The following BTBD1 variants were observed in gnomAD, a reference collection of about 807,000 sequenced individuals.
The protein encoded by BTBD1 is BTB domain containing 1, also known as BTB/POZ domain-containing protein 1.
BTBD1 carries 34 observed loss-of-function variants against 48.0 expected under a neutral mutation model. That is an observed-to-expected ratio of 0.71 (90% CI 0.54 to 0.94). The LOEUF is 0.94. Among genes scored for constraint, BTBD1 ranks in the 40% least tolerant of loss-of-function variants. The probability of loss-of-function intolerance (pLI) is 0.00; values close to 1 mark genes in which losing one functional copy is unlikely to be tolerated. For missense variants in BTBD1, 543 were observed against 625.6 expected (o/e 0.87, Z 1.41); for synonymous variants, 261 against 242.1 (o/e 1.08, Z -0.72).
chr15:83,062,758 T>C (rs1031465623), intron 1 of BTBD1, among the ~76,000 whole-genome samples: 5 of 152,200 alleles, frequency 3.3e-5, no homozygotes, highest in African/African-American at 9.7e-5. Context: ...CGTAAAGCTC[T>C]CACTTTGGTT....
At chr15:83,037,960 T>C (rs1213279315) in intron 4 of BTBD1, among the ~76,000 whole-genome samples, 1 of 152,134 alleles carries the variant, frequency 6.6e-6, no homozygotes, top group Non-Finnish European at 1.5e-5. Flanking sequence ...GGCAGGCACC[T>C]GTAATCCCAG....
intron 1 of BTBD1, among the ~76,000 whole-genome samples, chr15:83,059,785 T>G (rs2033147942): frequency 6.6e-6 from 1 of 152,118 alleles, no homozygotes; most frequent in Non-Finnish European, 1.5e-5. Context: ...TAGAGACAGG[T>G]CTTGCTATAT....
rs895058806 is a variant in BTBD1 at position 83,025,452 on chromosome 15, T to C, written c.1055+4684A>G. On this transcript the variant is annotated intron_variant, in intron 5 of 7. Transcript: ENST00000261721. ...TCTGAAAGAAATTCTCTAACATACA[T>C]AGGTTAATTTGGAAGACACTGTCCT... is the stretch of plus-strand genomic sequence containing the variant. Among the ~76,000 whole-genome samples the C allele has an allele frequency of 9.3e-5, 14 of 149,862 alleles. No homozygotes were observed. In the South Asian group the frequency reaches 1.1e-3, roughly 11 times the overall value.
intron 1 of BTBD1, among the ~76,000 whole-genome samples, chr15:83,066,173 C>T (rs1003536776): frequency 3.9e-5 from 6 of 152,034 alleles, no homozygotes; most frequent in African/African-American, 1.4e-4. Context: ...GTGGCGCGTG[C>T]CTGTAGTCCC....
intron 4 of BTBD1, among the ~76,000 whole-genome samples, chr15:83,040,001 AC>A (rs2032715816): frequency 6.7e-6 from 1 of 150,194 alleles, no homozygotes; most frequent in Non-Finnish European, 1.5e-5. Context: ...ACACACACAC[AC>A]ACACACACAC....
Position 83,017,920 on chromosome 15 carries a change from A to T in BTBD1, c.*147T>A. 2.2e-6 allele frequency: 1 copy of T among 464,380 alleles called. No homozygotes were observed. The highest frequency in any genetic ancestry group is 3.7e-6 in the Non-Finnish European group (1 of 271,048). 28.8% of individuals were successfully genotyped at this position (464,380 alleles called of 1,614,324 possible). A position where few individuals can be genotyped will look rare whatever the true frequency, so the allele number is the denominator to read the frequency against. ...TTTTAAATCATGCAAAGATTTAAAT[A>T]AGCATTTTTCTATCTGCTCTAAGAA... is the stretch of plus-strand genomic sequence containing the variant. On this transcript the variant is annotated 3_prime_UTR_variant, in exon 8 of 8. Coordinates refer to ENST00000261721, the MANE Select transcript of BTBD1 (RefSeq NM_025238.4).
chr15:83,043,102 C>T (rs2032799849), intron 3 of BTBD1, among the ~76,000 whole-genome samples: 1 of 152,144 alleles, frequency 6.6e-6, no homozygotes, highest in South Asian at 2.1e-4. Flanking sequence ...CATGATCATG[C>T]CATTGTACTC....
At chr15:83,032,388 C>A (rs2032534613) in intron 4 of BTBD1, among the ~76,000 whole-genome samples, 1 of 151,598 alleles carries the variant, frequency 6.6e-6, no homozygotes, top group Admixed American at 6.6e-5. Flanking sequence ...GGATACCTAC[C>A]CAAAGGAAAA....
chr15:83,029,924 T>A, intron 5 of BTBD1: 4 of 586,570 alleles, frequency 6.8e-6, no homozygotes, highest in Non-Finnish European at 9.0e-6. Flanking sequence ...TCTTACTCTA[T>A]TTTTTTCTTA....
chr15:83,037,942 G>C (rs897809876), intron 4 of BTBD1, among the ~76,000 whole-genome samples: 1 of 152,106 alleles, frequency 6.6e-6, no homozygotes, highest in African/African-American at 2.4e-5. Context: ...AAATTAGCTA[G>C]GCACGGTGGC....
intron 1 of BTBD1, chr15:83,061,793 T>C (rs912858290): frequency 1.3e-5 from 2 of 152,186 alleles, no homozygotes; most frequent in Non-Finnish European, 2.9e-5. Context: ...ACCACCTAAG[T>C]GATTCCAGTC....
At chr15:83,042,366 A>ATGTG (rs1384614805) in intron 3 of BTBD1, among the ~76,000 whole-genome samples, 1 of 123,360 alleles carries the variant, frequency 8.1e-6, no homozygotes, top group African/African-American at 3.2e-5. Flanking sequence ...ATATATATAT[A>ATGTG]TATATATATA....
rs1457899631 is a variant in BTBD1, at chr15:83,041,911, C to G, written c.679G>C (p.Val227Leu). ...ATACTGAGTGTGTCTCTCTCTAAAA[C>G]TGCACAGAGTGTATCTATAGGCAAA... ...TDIDIDTLCA[V>L]LERDTLSIRE... The change falls in exon 4 of 8, where the codon GTT becomes CTT. Residue 227 changes from valine to leucine, a missense_variant. Physicochemically the swap from Val to Leu is conservative, Grantham distance 32. Around this residue, in one of 3 missense-constraint regions of BTBD1, gnomAD observed 300 missense variants for 350.0 expected, o/e 0.86. Transcript: ENST00000261721. The G allele has an allele frequency of 6.2e-7, 1 of 1,613,966 alleles. No individual in the cohort carries two copies. The highest frequency in any genetic ancestry group is 8.5e-7 in the Non-Finnish European group (1 of 1,180,020).
chr15:83,042,103 T>C (rs538309056), intron 3 of BTBD1, among the ~76,000 whole-genome samples, 178 bp from the exon 4 acceptor site: 1 of 152,142 alleles, frequency 6.6e-6, no homozygotes, highest in East Asian at 1.9e-4. Context: ...AACTCCAAAG[T>C]GTTCCATAAA....
intron 3 of BTBD1, chr15:83,044,454 A>G: frequency 4.4e-6 from 7 of 1,575,982 alleles, no homozygotes; most frequent in Non-Finnish European, 6.1e-6. Context: ...AGGAGTGGGA[A>G]CTGCTTTGCG....
At chr15:83,049,659 C>G (rs901095601) in intron 3 of BTBD1, among the ~76,000 whole-genome samples, 1 of 151,958 alleles carries the variant, frequency 6.6e-6, no homozygotes, top group African/African-American at 2.4e-5. Context: ...CTTGTGTCAT[C>G]GGGGTTTGCT....
chr15:83,036,632 G>C (rs896792423), intron 4 of BTBD1, among the ~76,000 whole-genome samples: 14 of 152,098 alleles, frequency 9.2e-5, no homozygotes, highest in African/African-American at 3.4e-4. Flanking sequence ...TACAAGAATG[G>C]CCTCAATGGT....
chr15:83,067,247 AAAGGCGCTTCCGGGG>A (rs1244028626), exon 1 of BTBD1: 5 of 1,240,100 alleles, frequency 4.0e-6, no homozygotes, highest in Non-Finnish European at 5.2e-6. Context: ...GCCTTCCGGG[AAAGGCGCTTCCGGGG>A]GCCTCGCGCC....
At chr15:83,026,758 G>A (rs2032416365) in intron 5 of BTBD1, among the ~76,000 whole-genome samples, 1 of 152,096 alleles carries the variant, frequency 6.6e-6, no homozygotes. Flanking sequence ...CCGACCTGAG[G>A]TGATCCGCCC....
Sources: gnomAD v4.1 joint callset for allele counts (sites outside exome capture counted in the v4.1 genomes callset) on GRCh38, gnomAD v4.1.1 for gene constraint, gnomAD v4.1.1 regional missense constraint, MANE v1.5 for transcripts, NCBI Gene and HGNC (gene_info 2026-07-23, HGNC 2026-07-21) for gene names.